The following STARD13 variants were observed in gnomAD, a reference collection of about 807,000 sequenced individuals.
STARD13 encodes stAR-related lipid transfer protein 13.
STARD13 carries 62 observed loss-of-function variants against 106.4 expected under a neutral mutation model. The observed-to-expected ratio is 0.58, with a 90% CI of 0.48 to 0.72. The LOEUF (loss-of-function observed/expected upper bound fraction) is 0.72, where lower values mean the gene tolerates loss of function less well. STARD13 is among the 30% of genes least tolerant of loss of function. STARD13 has a pLI of 0.00. For synonymous variants in STARD13, 565 were observed against 553.0 expected, an observed-to-expected ratio of 1.02 and a Z score of -0.31; for missense variants, 1,387 against 1,424.0, an observed-to-expected ratio of 0.97 and a Z score of 0.42.
the STARD13 span, among the ~76,000 whole-genome samples, chr13:33,477,632 G>C: frequency 2.0e-5 from 3 of 152,054 alleles, no homozygotes; most frequent in African/African-American, 7.2e-5. Flanking sequence ...CTTCCTTTTG[G>C]AGTCTAGACA....
At chr13:33,422,663 C>G in the STARD13 span, among the ~76,000 whole-genome samples, 1 of 152,094 alleles carries the variant, frequency 6.6e-6, no homozygotes, top group Admixed American at 6.6e-5. Context: ...AAGAACAAAG[C>G]TGGAGGCATC....
the STARD13 span, among the ~76,000 whole-genome samples, chr13:33,362,142 C>A: frequency 6.6e-6 from 1 of 152,118 alleles, no homozygotes; most frequent in Non-Finnish European, 1.5e-5. Context: ...GCTCGTTGTT[C>A]TGCAGGCTGT....
At chr13:33,148,954 G>A (rs1243255823) in intron 3 of STARD13, among the ~76,000 whole-genome samples, 1 of 152,184 alleles carries the variant, frequency 6.6e-6, no homozygotes, top group Non-Finnish European at 1.5e-5. Context: ...AAAGAAGCCA[G>A]TATGAGAAGG....
chr13:33,603,655 A>T, the STARD13 span, among the ~76,000 whole-genome samples: 5 of 152,122 alleles, frequency 3.3e-5, no homozygotes, highest in Admixed American at 3.3e-4. Context: ...CTGGTCAATT[A>T]AAAAAAATTG....
At chr13:33,122,421 C>T (rs1876478553) in intron 7 of STARD13, among the ~76,000 whole-genome samples, 1 of 152,222 alleles carries the variant, frequency 6.6e-6, no homozygotes. Context: ...GCAGCCTGGG[C>T]CATCACACAG....
the STARD13 span, among the ~76,000 whole-genome samples, chr13:33,583,792 T>A: frequency 6.6e-6 from 1 of 151,758 alleles, no homozygotes; most frequent in Non-Finnish European, 1.5e-5. Context: ...TGACCAATAC[T>A]AATCATCATA....
chr13:33,144,058 ATTTT>A (rs1006361454), intron 3 of STARD13, among the ~76,000 whole-genome samples: 1 of 152,062 alleles, frequency 6.6e-6, no homozygotes, highest in African/African-American at 2.4e-5. Flanking sequence ...TTAACTATTA[ATTTT>A]TTTGTTAGAA....
chr13:33,339,584 C>T (rs1021885954), intron 1 of STARD13, among the ~76,000 whole-genome samples: 2 of 152,220 alleles, frequency 1.3e-5, no homozygotes, highest in Non-Finnish European at 2.9e-5. Context: ...GCTACACATA[C>T]ACTTTTCATT....
intron 1 of STARD13, among the ~76,000 whole-genome samples, chr13:33,178,782 G>T (rs1884957699): frequency 6.6e-6 from 1 of 152,042 alleles, no homozygotes; most frequent in Admixed American, 6.5e-5. Flanking sequence ...GTAATAACTT[G>T]GTATTTCCTG....
chr13:33,132,651 G>A (rs1475698740), intron 4 of STARD13, among the ~76,000 whole-genome samples: 2 of 152,102 alleles, frequency 1.3e-5, no homozygotes, highest in South Asian at 4.1e-4. Context: ...AGGAGTTTGA[G>A]TCTAGCCTGG....
chr13:33,128,048 G>A (rs1387295649), intron 5 of STARD13, among the ~76,000 whole-genome samples: 1 of 152,014 alleles, frequency 6.6e-6, no homozygotes, highest in African/African-American at 2.4e-5. Flanking sequence ...AGATACAGAG[G>A]CAGAGGATGG....
chr13:33,411,549 G>A, the STARD13 span, among the ~76,000 whole-genome samples: 15 of 50,414 alleles, frequency 3.0e-4, no homozygotes, highest in Admixed American at 1.7e-3. Context: ...ACAAAGGGAA[G>A]GTGGGAAGAG....
chr13:33,662,661 C>T, the STARD13 span, among the ~76,000 whole-genome samples: 1 of 152,184 alleles, frequency 6.6e-6, no homozygotes, highest in Non-Finnish European at 1.5e-5. Context: ...AGACTGCAGA[C>T]AACAAAGACA....
the STARD13 span, among the ~76,000 whole-genome samples, chr13:33,505,660 C>A: frequency 6.6e-6 from 1 of 152,126 alleles, no homozygotes. Flanking sequence ...TTATCCCCAA[C>A]TTTCATGAAA....
intron 1 of STARD13, among the ~76,000 whole-genome samples, chr13:33,174,952 T>C (rs1003063323): frequency 2.0e-5 from 3 of 152,222 alleles, no homozygotes; most frequent in Admixed American, 2.0e-4. Flanking sequence ...TGTGCTCATA[T>C]ACACATTTGC....
the STARD13 span, among the ~76,000 whole-genome samples, chr13:33,633,675 A>G: frequency 6.6e-6 from 1 of 152,196 alleles, no homozygotes; most frequent in African/African-American, 2.4e-5. Context: ...GTTATCATGT[A>G]CTTTCCTCTC....
chr13:33,581,259 C>T, the STARD13 span, among the ~76,000 whole-genome samples: 1 of 152,074 alleles, frequency 6.6e-6, no homozygotes, highest in South Asian at 2.1e-4. Flanking sequence ...GACAATCACC[C>T]AAGACTTTTC....
At chr13:33,639,271 C>T in the STARD13 span, among the ~76,000 whole-genome samples, 6 of 152,148 alleles carry the variant, frequency 3.9e-5, no homozygotes, top group African/African-American at 1.4e-4. Context: ...GGAATTCAGT[C>T]ATGGGAATAC....
exon 1 of STARD13, chr13:33,350,583 C>A: frequency 7.2e-7 from 1 of 1,387,942 alleles, no homozygotes; most frequent in Non-Finnish European, 9.3e-7. Context: ...CTGCGCCACG[C>A]GCGAGGACCG....
Sources: allele counts gnomAD v4.1 joint callset (sites outside exome capture counted in the v4.1 genomes callset), GRCh38; gene constraint gnomAD v4.1.1; transcripts MANE v1.5; gene names NCBI Gene and HGNC (gene_info 2026-07-23, HGNC 2026-07-21).